Variants in ADGRG4 observed in about 807,000 individuals in gnomAD.
The protein encoded by ADGRG4 is G protein-coupled receptor 112.
ADGRG4 carries 122 observed loss-of-function variants against 126.2 expected under a neutral mutation model. The observed-to-expected ratio is 0.97, with a 90% CI of 0.83 to 1.12. The LOEUF (loss-of-function observed/expected upper bound fraction) is 1.12, where lower values mean the gene tolerates loss of function less well. ADGRG4 is among the 50% of genes most tolerant of loss of function. The pLI is 0.00. For synonymous variants in ADGRG4, 943 were observed against 838.7 expected, an observed-to-expected ratio of 1.12 and a Z score of -2.15; for missense variants, 2,481 against 2,251.8, an observed-to-expected ratio of 1.10 and a Z score of -2.06.
chrX:136,342,209 A>G (rs182903604), intron 5 of ADGRG4, among the ~76,000 whole-genome samples: 141 of 112,042 alleles, frequency 1.3e-3, no homozygotes, highest in Admixed American at 3.7e-3. Flanking sequence ...TGTCTTCTTT[A>G]TCTCTTAAAT....
intron 4 of ADGRG4, among the ~76,000 whole-genome samples, chrX:136,321,693 G>T (rs2074840458): frequency 9.0e-6 from 1 of 111,729 alleles, no homozygotes; most frequent in African/African-American, 3.3e-5. Context: ...ATTTGTAGTG[G>T]TGATAGTATC....
At chrX:136,366,786 T>C (rs1304944708) in intron 13 of ADGRG4, among the ~76,000 whole-genome samples, 1 of 112,116 alleles carries the variant, frequency 8.9e-6, no homozygotes, top group Non-Finnish European at 1.9e-5. Flanking sequence ...TAATGACATA[T>C]GATGATGAAT....
Position 136,347,744 on chromosome X carries a change from T to C in ADGRG4, c.4038T>C (p.Ser1346=). Residue 1346 remains serine (S), a synonymous_variant, in exon 6 of 26, where the codon AGT becomes AGC. Coordinates refer to ENST00000394143, the MANE Select transcript of ADGRG4 (RefSeq NM_153834.4). ...AGATTACACCAACCTTGACCTCAAG[T>C]AACACAGTAGGTGTTCACATTCCAG... ...STQITPTLTS[S]NTVGVHIPEM... 2.5e-6 allele frequency: 3 copies of C among 1,210,708 alleles called. No homozygotes were observed. The highest frequency in any genetic ancestry group is 3.4e-6 in the Non-Finnish European group (3 of 894,574).
In ADGRG4 at chrX:136,344,940, A is replaced by G. The variant is rs1353619694; in HGVS notation, c.1234A>G (p.Met412Val). ...ATTTTCAACTATTGAGTCAACATCT[A>G]TGTCTACAACACCTTGTCTCAAACA... is the stretch of plus-strand genomic sequence containing the variant. ...SLFSTIESTS[M>V]STTPCLKQKS... Residue 412 changes from methionine to valine, a missense_variant, in exon 6 of 26, where the codon ATG becomes GTG. By Grantham distance (21) the Met-to-Val change is conservative. Transcript: ENST00000394143. The G allele has an allele frequency of 1.7e-6, 2 of 1,209,126 alleles. No homozygotes were observed. The highest frequency in any genetic ancestry group is 5.9e-5 in the East Asian group (2 of 33,844).
At chrX:136,326,395 C>T (rs2074873308) in intron 5 of ADGRG4, among the ~76,000 whole-genome samples, 1 of 111,943 alleles carries the variant, frequency 8.9e-6, no homozygotes, top group South Asian at 3.8e-4. Context: ...AATAGGGGCT[C>T]AGAGAGGTTG....
chrX:136,328,586 T>G (rs1328351473), intron 5 of ADGRG4, among the ~76,000 whole-genome samples: 1 of 112,415 alleles, frequency 8.9e-6, no homozygotes, highest in African/African-American at 3.2e-5. Context: ...TATCAAAGCA[T>G]AGCATCCCTA....
intron 15 of ADGRG4, among the ~76,000 whole-genome samples, chrX:136,380,598 CTCCTCCTCTTCTTCTTCT>C (rs1436201773): frequency 9.9e-5 from 7 of 70,889 alleles, no homozygotes; most frequent in African/African-American, 3.7e-4. Context: ...CCTCCTCCTC[CTCCTCCTCTTCTTCTTCT>C]TCTTCTTCTT....
chrX:136,382,788 A>G (rs892002992), intron 15 of ADGRG4, among the ~76,000 whole-genome samples: 9 of 110,647 alleles, frequency 8.1e-5, no homozygotes, highest in African/African-American at 3.0e-4. Context: ...TAGCCTATTG[A>G]CTTAAAGGTA....
In ADGRG4 at chrX:136,408,553, CT is replaced by C. The variant is rs757808032; in HGVS notation, c.8935+2588del. ...CTGCTGCAAATGACATGATCTCATT[CT>C]TTTTTTATAGCTGTGTAGTATTCCA... On this transcript the variant is annotated intron_variant, in intron 23 of 25. Transcript: ENST00000394143. Among the ~76,000 whole-genome samples, 4 of 112,238 alleles carry C rather than the reference CT, an allele frequency of 3.6e-5. No individual in the cohort carries two copies. In the South Asian group the frequency reaches 1.5e-3, roughly 42 times the overall value.
chrX:136,411,078 A>G (rs577540382), intron 23 of ADGRG4, among the ~76,000 whole-genome samples: 1 of 111,514 alleles, frequency 9.0e-6, no homozygotes, highest in African/African-American at 3.3e-5. Context: ...TTTTTTTAAG[A>G]CAGAGTCTTG....
chrX:136,414,223 A>C lies in ADGRG4; in HGVS notation c.9101A>C (p.Glu3034Ala), dbSNP rs1308292805. The change falls in exon 25 of 26, where the codon GAG becomes GCG. Residue 3034 changes from glutamate (E) to alanine (A), a missense_variant. Glu to Ala is a moderately radical substitution (Grantham distance 107, BLOSUM62 -1). Transcript: ENST00000394143. ...YKQEGLKKIFEHKLLTPSLKS... is the reference protein window; with the variant it reads ...YKQEGLKKIFAHKLLTPSLKS... ...CAGGAGGGACTAAAGAAAATCTTTG[A>C]GCACAAACTGTTGACGCCATCTCTC... is the stretch of plus-strand genomic sequence containing the variant. The C allele has an allele frequency of 6.6e-6, 8 of 1,203,775 alleles. No individual in the cohort carries two copies. The highest frequency in any genetic ancestry group is 5.9e-5 in the East Asian group (2 of 33,759).
At chrX:136,311,975 G>A (rs986561618) in intron 4 of ADGRG4, among the ~76,000 whole-genome samples, 3 of 111,366 alleles carry the variant, frequency 2.7e-5, no homozygotes, top group Non-Finnish European at 5.7e-5. Flanking sequence ...GGGATTACAG[G>A]CATGTCCCAC....
At chrX:136,378,540 GA>G (rs2148485225) in intron 15 of ADGRG4, among the ~76,000 whole-genome samples, 1 of 111,416 alleles carries the variant, frequency 9.0e-6, no homozygotes, top group South Asian at 3.8e-4. Flanking sequence ...AGAAGTGGTT[GA>G]AGTGGGCATC....
intron 21 of ADGRG4, among the ~76,000 whole-genome samples, chrX:136,401,634 A>T (rs2075379807): frequency 8.9e-6 from 1 of 111,803 alleles, no homozygotes; most frequent in Non-Finnish European, 1.9e-5. Context: ...CTGTGAAAGG[A>T]AGAGTACCTA....
rs770342481 is a variant in ADGRG4, at chrX:136,350,394, A to G, written c.6688A>G (p.Thr2230Ala). 4 of 1,209,122 alleles carry G rather than the reference A, an allele frequency of 3.3e-6. No individual in the cohort carries two copies. The Admixed American group carries it at 6.5e-5, about 20-fold the overall frequency. ...WLDSTPSFLS[T>A]EASTSPTATK... is the part of the protein sequence containing the mutation. ...GGACTCCACACCTTCCTTTCTATCT[A>G]CGGAAGCATCGACTTCGCCTACTGC... The change falls in exon 6 of 26, where the codon ACG (threonine) becomes GCG (alanine). Residue 2230 changes from threonine (T) to alanine (A), a missense_variant. Physicochemically the swap from Thr to Ala is moderately conservative, Grantham distance 58. Transcript: ENST00000394143.
At chrX:136,354,109 C>T (rs900679892) in intron 8 of ADGRG4, among the ~76,000 whole-genome samples, 12 of 112,231 alleles carry the variant, frequency 1.1e-4, no homozygotes, top group Non-Finnish European at 1.1e-4. Flanking sequence ...ACTTTGGTTT[C>T]TCTTACATAT....
rs766233184 is a variant in ADGRG4 at position 136,316,710 on chromosome X, C to T, written c.71-6068C>T. On this transcript the variant is annotated intron_variant, in intron 4 of 25. Transcript: ENST00000394143. Reference sequence around the variant, plus strand: ...CTCAAACTCCTGACCTCAGGTGATCCGCCCGTCTCAGCCTCCCAAAGTGCT... The same window carrying T: ...CTCAAACTCCTGACCTCAGGTGATCTGCCCGTCTCAGCCTCCCAAAGTGCT... Among the ~76,000 whole-genome samples, 7 of 111,966 alleles carry T rather than the reference C, an allele frequency of 6.3e-5. No homozygotes were observed. The South Asian group carries it at 1.9e-3, about 30-fold the overall frequency.
intron 21 of ADGRG4, 116 bp from the exon 22 acceptor site, chrX:136,403,128 C>A (rs2075387923): frequency 3.9e-6 from 2 of 511,741 alleles, no homozygotes; most frequent in Admixed American, 3.0e-5. Context: ...TATTTTGATG[C>A]CCGCACATCT....
chrX:136,351,422 T>G (rs780649461), intron 6 of ADGRG4, 25 bp from the exon 7 acceptor site: 1 of 880,238 alleles, frequency 1.1e-6, no homozygotes, highest in East Asian at 3.4e-5. Flanking sequence ...ATGAATAAAA[T>G]TAACCTCCTT....
Sources: allele counts gnomAD v4.1 joint callset (sites outside exome capture counted in the v4.1 genomes callset), GRCh38; gene constraint gnomAD v4.1.1; transcripts MANE v1.5; gene names NCBI Gene and HGNC (gene_info 2026-07-23, HGNC 2026-07-21).